The following TBL1XR1 variants were observed in gnomAD, a reference collection of about 807,000 sequenced individuals.
The protein encoded by TBL1XR1 is F-box-like/WD repeat-containing protein TBL1XR1.
Under a neutral mutation model 66.9 loss-of-function variants are expected in TBL1XR1, and 5 were observed. That is an observed-to-expected ratio of 0.07 (90% confidence interval 0.04 to 0.16). The LOEUF is 0.16. TBL1XR1 is among the 10% of genes least tolerant of loss of function. TBL1XR1 has a pLI of 1.00. For synonymous variants in TBL1XR1, 210 were observed against 206.0 expected (o/e 1.02, Z -0.17); for missense variants, 238 against 623.2 (o/e 0.38, Z 6.58).
At chr3:177,128,431 T>C (rs1727904804) in intron 1 of TBL1XR1, among the ~76,000 whole-genome samples, 1 of 152,152 alleles carries the variant, frequency 6.6e-6, no homozygotes, top group Non-Finnish European at 1.5e-5. Flanking sequence ...TGGAGTGCAG[T>C]GGCACAAACA....
chr3:177,025,886 TC>T lies in TBL1XR1; in HGVS notation c.1519-363del, dbSNP rs538499963. On this transcript the variant is annotated intron_variant, in intron 15 of 15. Coordinates refer to ENST00000457928, the MANE Select transcript of TBL1XR1 (RefSeq NM_024665.7). ...CAGCATCAGTAAATAGCTACCCTTT[TC>T]CCACCTTCTGGTGCTTCTACAGCTT... 78 of 292,556 alleles carry T rather than the reference TC, an allele frequency of 2.7e-4. No homozygotes were observed. In the East Asian group the frequency reaches 7.1e-3, roughly 27 times the overall value. 18.1% of individuals were successfully genotyped at this position (292,556 alleles called of 1,614,324 possible).
At chr3:177,196,741 C>G (rs994288589) in intron 1 of TBL1XR1, among the ~76,000 whole-genome samples, 5 of 99,796 alleles carry the variant, frequency 5.0e-5, no homozygotes, top group Admixed American at 9.7e-5. Context: ...AGCCTCCCCC[C>G]CCAAACACAC....
At chr3:177,192,815 A>C (rs1230723034) in intron 1 of TBL1XR1, among the ~76,000 whole-genome samples, 1 of 152,226 alleles carries the variant, frequency 6.6e-6, no homozygotes, top group Non-Finnish European at 1.5e-5. Context: ...GGATCTTCTT[A>C]ACTCTATGAA....
At chr3:177,026,189 A>G in intron 15 of TBL1XR1, 184 bp downstream of exon 15, 1 of 580,630 alleles carries the variant, frequency 1.7e-6, no homozygotes, top group Non-Finnish European at 3.0e-6. Flanking sequence ...AGGACAGCCT[A>G]AATTTTGTTT....
chr3:177,124,935 G>T (rs1287055061), intron 1 of TBL1XR1, among the ~76,000 whole-genome samples: 3 of 151,522 alleles, frequency 2.0e-5, no homozygotes, highest in African/African-American at 7.3e-5. Flanking sequence ...TCACAAACTG[G>T]GTTATAGAAC....
intron 1 of TBL1XR1, among the ~76,000 whole-genome samples, chr3:177,111,510 G>A (rs963379629): frequency 6.6e-6 from 1 of 152,054 alleles, no homozygotes; most frequent in East Asian, 1.9e-4. Flanking sequence ...ATGCTGGCCA[G>A]GCTGGTCTTG....
chr3:177,199,468 A>G (rs1737301000), upstream of TBL1XR1, among the ~76,000 whole-genome samples: 1 of 115,820 alleles, frequency 8.6e-6, no homozygotes, highest in Middle Eastern at 4.0e-3. Flanking sequence ...GAGCCACTCA[A>G]TGAAACATAT....
intron 1 of TBL1XR1, among the ~76,000 whole-genome samples, chr3:177,173,048 G>A (rs1286315106): frequency 3.3e-5 from 5 of 152,046 alleles, no homozygotes; most frequent in African/African-American, 4.8e-5. Context: ...TTAGCCGGGC[G>A]TGGTGATGCA....
intron 2 of TBL1XR1, among the ~76,000 whole-genome samples, chr3:177,088,238 T>C (rs1300796342): frequency 6.6e-6 from 1 of 152,216 alleles, no homozygotes; most frequent in Non-Finnish European, 1.5e-5. Context: ...TTCCAAAATC[T>C]GCAGTTTTTG....
At chr3:177,048,674 A>C (rs1716639543) in intron 7 of TBL1XR1, among the ~76,000 whole-genome samples, 1 of 152,228 alleles carries the variant, frequency 6.6e-6, no homozygotes, top group Admixed American at 6.5e-5. Context: ...TCAACTAGGA[A>C]AATACTGTAA....
intron 3 of TBL1XR1, among the ~76,000 whole-genome samples, chr3:177,059,936 G>A (rs764492995): frequency 8.5e-5 from 13 of 152,172 alleles, no homozygotes; most frequent in East Asian, 1.9e-4. Flanking sequence ...TCTTTCTCTC[G>A]TGCTGGATGC....
At chr3:177,138,908 C>T (rs747906305) in intron 1 of TBL1XR1, among the ~76,000 whole-genome samples, 2 of 152,262 alleles carry the variant, frequency 1.3e-5, no homozygotes, top group Non-Finnish European at 2.9e-5. Flanking sequence ...AGGAGTACTG[C>T]TGGTCCATAC....
At chr3:177,096,594 A>G (rs966953719) in intron 2 of TBL1XR1, among the ~76,000 whole-genome samples, 13 of 152,198 alleles carry the variant, frequency 8.5e-5, no homozygotes, top group African/African-American at 2.9e-4. Context: ...TGCCACAAAT[A>G]CTAAGGATCC....
intron 7 of TBL1XR1, among the ~76,000 whole-genome samples, chr3:177,049,343 G>A (rs182227127): frequency 1.3e-4 from 20 of 152,304 alleles, no homozygotes; most frequent in Non-Finnish European, 2.1e-4. Flanking sequence ...GTAGCGGAGC[G>A]AGGTAAGAGA....
chr3:177,150,750 G>A (rs1183635021), intron 1 of TBL1XR1, among the ~76,000 whole-genome samples: 1 of 152,202 alleles, frequency 6.6e-6, no homozygotes, highest in Non-Finnish European at 1.5e-5. Context: ...AGCTGAGCAG[G>A]CTCTAACAGA....
At chr3:177,112,107 A>ATATATATATAT in intron 1 of TBL1XR1, among the ~76,000 whole-genome samples, 33 of 37,644 alleles carry the variant, frequency 8.8e-4, no homozygotes, top group Admixed American at 2.0e-3. Context: ...ATATATATAT[A>ATATATATATAT]TTTTTTTTTT....
chr3:177,046,324 G>C (rs1314232663), intron 9 of TBL1XR1, 135 bp from the exon 10 acceptor site: 1 of 586,108 alleles, frequency 1.7e-6, no homozygotes, highest in Non-Finnish European at 2.9e-6. Flanking sequence ...ATCCCAAATA[G>C]TACCACAAGG....
chr3:177,028,551 C>A (rs963801451), intron 14 of TBL1XR1, among the ~76,000 whole-genome samples: 1 of 151,968 alleles, frequency 6.6e-6, no homozygotes, highest in Non-Finnish European at 1.5e-5. Flanking sequence ...CCATAAGGCA[C>A]CTCAAAACAC....
At chr3:177,201,723 T>C (rs1737344226), upstream of TBL1XR1, 1 of 152,236 alleles carries the variant, frequency 6.6e-6, no homozygotes, top group Non-Finnish European at 1.5e-5. Flanking sequence ...TAACTCATTT[T>C]ATATTCTTTA....
Sources: gnomAD v4.1 joint callset for allele counts (sites outside exome capture counted in the v4.1 genomes callset) on GRCh38, gnomAD v4.1.1 for gene constraint, MANE v1.5 for transcripts, NCBI Gene and HGNC (gene_info 2026-07-23, HGNC 2026-07-21) for gene names.